CARMIL1: variants seen among roughly 807,000 people sequenced by gnomAD.
CARMIL1 encodes the protein F-actin-uncapping protein LRRC16A.
Under a neutral mutation model 177.1 loss-of-function variants are expected in CARMIL1, and 90 were observed. The observed-to-expected ratio is 0.51, with a 90% confidence interval of 0.43 to 0.61. CARMIL1 has a LOEUF of 0.61. Ranked by LOEUF, CARMIL1 falls within the 20% of genes least tolerant of loss-of-function variation. The pLI is 0.00. For missense variants in CARMIL1, 1,380 were observed against 1,667.0 expected (o/e 0.83, Z 3.00); for synonymous variants, 577 against 606.2 (o/e 0.95, Z 0.71).
At chr6:25,435,240 AT>A (rs752349111) in intron 4 of CARMIL1, among the ~76,000 whole-genome samples, 36 of 152,296 alleles carry the variant, frequency 2.4e-4, no homozygotes, top group Non-Finnish European at 3.5e-4. Flanking sequence ...AATTAAGTGC[AT>A]TATTTTAAGA....
At chr6:25,322,501 CACAT>C (rs1784768630) in intron 2 of CARMIL1, among the ~76,000 whole-genome samples, 1 of 152,206 alleles carries the variant, frequency 6.6e-6, no homozygotes, top group African/African-American at 2.4e-5. Flanking sequence ...CACACATATG[CACAT>C]ACATACACAC....
chr6:25,406,425 A>AGCAGAGAAGGGAC lies in CARMIL1; in HGVS notation c.139-13688_139-13676dup, dbSNP rs1562095217. ...TGGTGCAGAGCCACTGAAGAGCTTA[A>AGCAGAGAAGGGAC]GCAGAGAAGGGACATAATAATGTTT... On this transcript the variant is annotated intron_variant, in intron 2 of 36. Transcript: ENST00000329474. Among the ~76,000 whole-genome samples, 4 of 152,272 alleles carry AGCAGAGAAGGGAC rather than the reference A, an allele frequency of 2.6e-5. No individual in the cohort carries two copies. The South Asian group carries it at 8.3e-4, about 32-fold the overall frequency.
At chr6:25,430,456 G>A (rs531034890) in intron 4 of CARMIL1, among the ~76,000 whole-genome samples, 1 of 149,080 alleles carries the variant, frequency 6.7e-6, no homozygotes, top group African/African-American at 2.5e-5. Context: ...TCCAGACAGG[G>A]TCTCGCACTG....
intron 23 of CARMIL1, among the ~76,000 whole-genome samples, chr6:25,521,918 G>T (rs1806609134): frequency 6.6e-6 from 1 of 152,186 alleles, no homozygotes; most frequent in African/African-American, 2.4e-5. Context: ...TGCCTTGCCA[G>T]CTGGCCCTGA....
chr6:25,453,080 T>C (rs979228472), intron 8 of CARMIL1, among the ~76,000 whole-genome samples: 3 of 152,210 alleles, frequency 2.0e-5, no homozygotes, highest in African/African-American at 7.2e-5. Flanking sequence ...AGCTTTCAAG[T>C]ATCTTCCTCT....
At chr6:25,493,436 A>G (rs1213089140) in intron 15 of CARMIL1, among the ~76,000 whole-genome samples, 1 of 152,202 alleles carries the variant, frequency 6.6e-6, no homozygotes, top group African/African-American at 2.4e-5. Context: ...AGGATAAGTT[A>G]GATTGTTCCA....
intron 2 of CARMIL1, among the ~76,000 whole-genome samples, chr6:25,381,466 C>A (rs1271163331): frequency 6.6e-6 from 1 of 152,206 alleles, no homozygotes; most frequent in Admixed American, 6.5e-5. Context: ...AGACTCTTCT[C>A]CACTTTAGAT....
At chr6:25,444,537 C>T (rs184342044) in intron 5 of CARMIL1, among the ~76,000 whole-genome samples, 4 of 152,208 alleles carry the variant, frequency 2.6e-5, no homozygotes, top group East Asian at 3.9e-4. Context: ...CCCCACCGCC[C>T]GACAGGCCCC....
intron 2 of CARMIL1, among the ~76,000 whole-genome samples, chr6:25,294,807 A>G (rs763464996): frequency 1.3e-5 from 2 of 152,190 alleles, no homozygotes; most frequent in African/African-American, 2.4e-5. Flanking sequence ...TACTTTGTCC[A>G]TGAACCTTTT....
intron 8 of CARMIL1, chr6:25,451,986 G>GCGGCCCCCC: frequency 8.9e-6 from 1 of 112,672 alleles, no homozygotes; most frequent in Non-Finnish European, 1.7e-5. Context: ...CTAGCATCTT[G>GCGGCCCCCC]CCCCCCCCTC....
At chr6:25,565,431 A>G (rs1331953022) in intron 29 of CARMIL1, among the ~76,000 whole-genome samples, 1 of 152,206 alleles carries the variant, frequency 6.6e-6, no homozygotes, top group African/African-American at 2.4e-5. Flanking sequence ...ATAAGGAGTC[A>G]TCCATGCCCA....
intron 2 of CARMIL1, among the ~76,000 whole-genome samples, chr6:25,327,058 A>G (rs766043436): frequency 6.6e-6 from 1 of 152,210 alleles, no homozygotes; most frequent in Non-Finnish European, 1.5e-5. Context: ...GGGAAGATGT[A>G]GTTTCAAATA....
At chr6:25,535,874 G>A (rs1452457164) in intron 24 of CARMIL1, among the ~76,000 whole-genome samples, 2 of 152,198 alleles carry the variant, frequency 1.3e-5, no homozygotes, top group African/African-American at 4.8e-5. Flanking sequence ...GCTGAGCTAT[G>A]CTCAGAGGAA....
intron 24 of CARMIL1, among the ~76,000 whole-genome samples, chr6:25,533,964 G>T (rs1251156482): frequency 6.6e-6 from 1 of 152,012 alleles, no homozygotes; most frequent in Non-Finnish European, 1.5e-5. Context: ...CATTCACTGA[G>T]GGTTGAACCT....
intron 2 of CARMIL1, among the ~76,000 whole-genome samples, chr6:25,356,578 G>A (rs140610281): frequency 6.6e-6 from 1 of 152,192 alleles, no homozygotes; most frequent in Non-Finnish European, 1.5e-5. Flanking sequence ...TTTAGTACAA[G>A]GTCCCAGCAC....
intron 3 of CARMIL1, among the ~76,000 whole-genome samples, chr6:25,425,074 T>A (rs1796173129): frequency 6.6e-6 from 1 of 152,212 alleles, no homozygotes; most frequent in African/African-American, 2.4e-5. Flanking sequence ...TATGTATAGA[T>A]CTTGATAATG....
chr6:25,488,696 C>T, intron 13 of CARMIL1, 111 bp downstream of exon 13: 10 of 858,810 alleles, frequency 1.2e-5, no homozygotes, highest in Non-Finnish European at 1.8e-5. Context: ...TTTGTCATGA[C>T]ACCTTTGAAT....
chr6:25,566,163 A>G (rs1441446589), intron 29 of CARMIL1, among the ~76,000 whole-genome samples: 1 of 151,974 alleles, frequency 6.6e-6, no homozygotes, highest in African/African-American at 2.4e-5. Context: ...TTCTACCTTC[A>G]CTGTTGCTTC....
At chr6:25,335,320 G>A (rs147885405) in intron 2 of CARMIL1, among the ~76,000 whole-genome samples, 1 of 152,272 alleles carries the variant, frequency 6.6e-6, no homozygotes, top group African/African-American at 2.4e-5. Context: ...TTTGTTATAA[G>A]ATAAGGAATG....
Sources: allele counts gnomAD v4.1 joint callset (sites outside exome capture counted in the v4.1 genomes callset), GRCh38; gene constraint gnomAD v4.1.1; transcripts MANE v1.5; gene names NCBI Gene and HGNC (gene_info 2026-07-23, HGNC 2026-07-21).